CACNA2D3: variants seen among roughly 807,000 people sequenced by gnomAD.
The protein encoded by CACNA2D3 is calcium voltage-gated channel auxiliary subunit alpha2delta 3.
Under a neutral mutation model 160.6 loss-of-function variants are expected in CACNA2D3, and 60 were observed. The ratio of observed to expected loss-of-function variants is 0.37; its 90% CI spans 0.30 to 0.46. The LOEUF is 0.46. CACNA2D3 is among the 20% of genes least tolerant of loss of function. The pLI, the probability that CACNA2D3 is intolerant of heterozygous loss-of-function variation, is 1.00. For missense variants in CACNA2D3, 1,205 were observed against 1,365.0 expected, an observed-to-expected ratio of 0.88 and a Z score of 1.85; for synonymous variants, 558 against 492.9, an observed-to-expected ratio of 1.13 and a Z score of -1.75.
chr3:54,684,280 A>G (rs1172495606), intron 11 of CACNA2D3, among the ~76,000 whole-genome samples: 1 of 152,068 alleles, frequency 6.6e-6, no homozygotes, highest in African/African-American at 2.4e-5. Context: ...TCTTTTTATA[A>G]AGACACCAGT....
chr3:54,368,513 GGAGA>G (rs1698864470), intron 3 of CACNA2D3, among the ~76,000 whole-genome samples: 1 of 151,868 alleles, frequency 6.6e-6, no homozygotes, highest in Non-Finnish European at 1.5e-5. Context: ...ACGGAAAGGA[GGAGA>G]GAGAGTGAGT....
intron 4 of CACNA2D3, among the ~76,000 whole-genome samples, chr3:54,433,501 C>G (rs1199026015): frequency 6.6e-6 from 1 of 152,188 alleles, no homozygotes; most frequent in African/African-American, 2.4e-5. Flanking sequence ...ATCCATCCTC[C>G]TTGGACAACA....
chr3:54,310,297 GA>G (rs1350653642), intron 2 of CACNA2D3, among the ~76,000 whole-genome samples: 1 of 152,110 alleles, frequency 6.6e-6, no homozygotes, highest in African/African-American at 2.4e-5. Flanking sequence ...GTATTTACTT[GA>G]AAACGTAATT....
chr3:54,908,885 A>C (rs1297900518), intron 27 of CACNA2D3, among the ~76,000 whole-genome samples: 1 of 152,224 alleles, frequency 6.6e-6, no homozygotes. Context: ...TGCAAAGCCA[A>C]AAATATCCAC....
At chr3:54,274,918 A>C (rs1702702826) in intron 2 of CACNA2D3, among the ~76,000 whole-genome samples, 1 of 152,226 alleles carries the variant, frequency 6.6e-6, no homozygotes, top group Admixed American at 6.5e-5. Context: ...TGGAGGTGAC[A>C]TTGCTTCACT....
intron 4 of CACNA2D3, among the ~76,000 whole-genome samples, chr3:54,415,723 C>G (rs148483188): frequency 3.9e-4 from 60 of 152,238 alleles, no homozygotes; most frequent in African/African-American, 1.3e-3. Flanking sequence ...ACTATTATCT[C>G]TGTTTTACAT....
chr3:54,657,405 T>TA (rs1287696233), intron 11 of CACNA2D3, among the ~76,000 whole-genome samples: 1 of 152,184 alleles, frequency 6.6e-6, no homozygotes, highest in African/African-American at 2.4e-5. Flanking sequence ...TCTAATCTCT[T>TA]ACCAATTTTT....
chr3:54,662,759 AG>A (rs1699995443), intron 11 of CACNA2D3, among the ~76,000 whole-genome samples: 1 of 152,234 alleles, frequency 6.6e-6, no homozygotes, highest in Admixed American at 6.5e-5. Flanking sequence ...TGTACTTAGA[AG>A]AGTCAGGAAA....
chr3:54,711,528 C>T (rs652424), intron 11 of CACNA2D3, among the ~76,000 whole-genome samples: 54,528 of 152,094 alleles, frequency 0.36, 10,721 homozygotes, highest in East Asian at 0.49. Flanking sequence ...GAGTTCTTCC[C>T]TACCCCCACA....
At chr3:54,787,773 T>C (rs1377923984) in intron 13 of CACNA2D3, among the ~76,000 whole-genome samples, 3 of 152,134 alleles carry the variant, frequency 2.0e-5, no homozygotes, top group African/African-American at 7.2e-5. Flanking sequence ...CGAAAGTTAG[T>C]GCTGTTTCCA....
At chr3:54,541,892 G>T (rs1168278194) in intron 5 of CACNA2D3, among the ~76,000 whole-genome samples, 1 of 151,492 alleles carries the variant, frequency 6.6e-6, no homozygotes, top group Non-Finnish European at 1.5e-5. Flanking sequence ...TTGATTCTTG[G>T]CTGTGGTTAA....
chr3:54,497,203 T>C (rs1406019868), intron 4 of CACNA2D3, among the ~76,000 whole-genome samples: 3 of 152,070 alleles, frequency 2.0e-5, no homozygotes, highest in Non-Finnish European at 2.9e-5. Context: ...TGGGAAGAAC[T>C]TGCGTCATAA....
intron 11 of CACNA2D3, among the ~76,000 whole-genome samples, chr3:54,743,790 G>T (rs901881571): frequency 2.0e-5 from 3 of 152,198 alleles, no homozygotes; most frequent in African/African-American, 4.8e-5. Context: ...AGGGAAGCAG[G>T]ACGGGGCTTC....
intron 9 of CACNA2D3, among the ~76,000 whole-genome samples, chr3:54,607,034 T>C (rs1698641417): frequency 6.6e-6 from 1 of 152,154 alleles, no homozygotes; most frequent in Non-Finnish European, 1.5e-5. Flanking sequence ...AAGTTGAAAA[T>C]CTTTTCCATG....
At chr3:54,616,151 T>C (rs1417962784) in intron 9 of CACNA2D3, among the ~76,000 whole-genome samples, 3 of 152,208 alleles carry the variant, frequency 2.0e-5, no homozygotes, top group Non-Finnish European at 1.5e-5. Context: ...TCTCATGTAG[T>C]TCCTGGACTC....
intron 11 of CACNA2D3, among the ~76,000 whole-genome samples, chr3:54,685,091 A>G (rs1299822796): frequency 6.6e-6 from 1 of 152,212 alleles, no homozygotes; most frequent in Admixed American, 6.5e-5. Flanking sequence ...GAGGCTCCAG[A>G]GAACAAAAGC....
At chr3:54,785,972 C>T (rs1702634152) in intron 13 of CACNA2D3, among the ~76,000 whole-genome samples, 2 of 152,244 alleles carry the variant, frequency 1.3e-5, no homozygotes, top group Non-Finnish European at 2.9e-5. Context: ...CTTCTCCCTG[C>T]CATTATTTTA....
intron 2 of CACNA2D3, among the ~76,000 whole-genome samples, chr3:54,305,621 C>T (rs1019307420): frequency 1.3e-5 from 2 of 152,250 alleles, no homozygotes; most frequent in Non-Finnish European, 2.9e-5. Context: ...ATTGCCTGTC[C>T]TGACACTGTG....
intron 31 of CACNA2D3, among the ~76,000 whole-genome samples, chr3:54,995,301 G>T (rs546824631): frequency 1.4e-4 from 21 of 152,234 alleles, no homozygotes; most frequent in African/African-American, 5.1e-4. Context: ...CAAACTTAGA[G>T]TCCAATGTAT....
Sources: allele counts gnomAD v4.1 joint callset (sites outside exome capture counted in the v4.1 genomes callset), GRCh38; gene constraint gnomAD v4.1.1; transcripts MANE v1.5; gene names NCBI Gene and HGNC (gene_info 2026-07-23, HGNC 2026-07-21).